SMOC2: variants seen among roughly 807,000 people sequenced by gnomAD.
SMOC2 encodes SPARC-related modular calcium-binding protein 2.
A neutral mutation model predicts 61.4 loss-of-function variants in SMOC2; 39 were observed. That is an observed-to-expected ratio of 0.64 (90% CI 0.49 to 0.83). SMOC2 has a LOEUF of 0.83. SMOC2 is among the 40% of genes least tolerant of loss of function. The probability of loss-of-function intolerance (pLI) is 0.00; values close to 1 mark genes in which losing one functional copy is unlikely to be tolerated. For synonymous variants in SMOC2, 247 were observed against 239.9 expected (o/e 1.03, Z -0.27); for missense variants, 556 against 592.9 (o/e 0.94, Z 0.65).
rs1562371588 is a variant in SMOC2, at chr6:168,598,822, A to G, written c.642A>G (p.Ser214=). ...RQNKTNKNSV[S]SCDQEHQSAL... ...TTGCCTTCTTCTTCCCCGCAGTGTC[A>G]TCCTGTGACCAAGAGCACCAGTCTG... The change falls in exon 8 of 13, where the codon TCA becomes TCG. Residue 214 remains serine (S), a synonymous_variant. Coordinates refer to ENST00000356284, the MANE Select transcript of SMOC2 (RefSeq NM_001166412.2). 2 of 1,613,678 alleles carry G rather than the reference A, an allele frequency of 1.2e-6. No individual in the cohort carries two copies. The highest frequency in any genetic ancestry group is 1.7e-6 in the Non-Finnish European group (2 of 1,179,742).
intron 9 of SMOC2, 90 bp downstream of exon 9, chr6:168,608,329 C>CT (rs1489234348): frequency 7.1e-7 from 1 of 1,402,334 alleles, no homozygotes; most frequent in East Asian, 2.5e-5. Context: ...TTATCTGACT[C>CT]TGTTTCCCAG....
At chr6:168,612,759 A>C (rs1785913569) in intron 9 of SMOC2, among the ~76,000 whole-genome samples, 1 of 152,006 alleles carries the variant, frequency 6.6e-6, no homozygotes, top group African/African-American at 2.4e-5. Context: ...GCAATGCAAG[A>C]GGCCATCGGC....
chr6:168,555,126 G>A (rs976874421), intron 7 of SMOC2, among the ~76,000 whole-genome samples: 1 of 152,210 alleles, frequency 6.6e-6, no homozygotes, highest in African/African-American at 2.4e-5. Context: ...GCCAGCTCCC[G>A]GCTCCTCTCG....
At chr6:168,516,483 C>T (rs150897725) in intron 2 of SMOC2, among the ~76,000 whole-genome samples, 61 of 152,018 alleles carry the variant, frequency 4.0e-4, no homozygotes, top group African/African-American at 1.4e-3. Context: ...GGACCAAGAG[C>T]TTCTGAACGG....
chr6:168,650,926 C>T (rs1188210313), intron 10 of SMOC2, 143 bp downstream of exon 10: 1 of 713,596 alleles, frequency 1.4e-6, no homozygotes, highest in African/African-American at 1.8e-5. Context: ...TCTGCAAACA[C>T]AGGAAGTTGC....
intron 4 of SMOC2, among the ~76,000 whole-genome samples, chr6:168,534,018 G>A (rs1426915408): frequency 3.9e-5 from 6 of 152,284 alleles, no homozygotes; most frequent in Admixed American, 2.6e-4. Flanking sequence ...GGCTAAGGCA[G>A]GGGGATCACT....
chr6:168,509,991 C>T lies in SMOC2; in HGVS notation c.161C>T (p.Ala54Val), dbSNP rs750915958. 5.6e-6 allele frequency: 9 copies of T among 1,614,190 alleles called. No individual in the cohort carries two copies. Among genetic ancestry groups the T allele is most frequent in the Middle Eastern group, 1.6e-4 (1 of 6,062 alleles). Reference protein sequence around the residue: ...CAGSPQKPLCASDGRTFLSRC... With the variant: ...CAGSPQKPLCVSDGRTFLSRC... ...GGTTCGCCCCAGAAACCTCTCTGCG[C>T]ATCTGACGGAAGGACCTTCCTTTCC... The change falls in exon 2 of 13, where the codon GCA becomes GTA. Residue 54 changes from alanine (A) to valine (V), a missense_variant. Physicochemically the swap from Ala to Val is moderately conservative, Grantham distance 64. Coordinates refer to ENST00000356284, the MANE Select transcript of SMOC2 (RefSeq NM_001166412.2).
Position 168,453,518 on chromosome 6 carries a change from G to A in SMOC2, c.84+12064G>A, listed in dbSNP as rs1166843661. 6.6e-6 allele frequency among the ~76,000 whole-genome samples: 1 copy of A among 151,520 alleles called. No homozygotes were observed. The highest frequency in any genetic ancestry group is 2.4e-5 in the African/African-American group (1 of 41,172). On this transcript the variant is annotated intron_variant, in intron 1 of 12. Coordinates refer to ENST00000356284, the MANE Select transcript of SMOC2 (RefSeq NM_001166412.2). The surrounding 1 kb of genome is among the most constrained non-coding windows in gnomAD (Gnocchi z 4.4). ...CTCTCGCTCTCTTTTTTGTCTCTCT[G>A]TCTCTCTCTGTCTCTTTGTCTCTCT...
intron 7 of SMOC2, among the ~76,000 whole-genome samples, chr6:168,565,852 G>A (rs1784529507): frequency 6.6e-6 from 1 of 152,114 alleles, no homozygotes; most frequent in Non-Finnish European, 1.5e-5. Context: ...TAAAGAAAAG[G>A]GATACTAGTG....
At chr6:168,465,003 C>T (rs1486313628) in intron 1 of SMOC2, among the ~76,000 whole-genome samples, 2 of 152,128 alleles carry the variant, frequency 1.3e-5, no homozygotes, top group Non-Finnish European at 2.9e-5. Flanking sequence ...CAGCCCTGCC[C>T]CAGAGAGTGA....
intron 7 of SMOC2, among the ~76,000 whole-genome samples, chr6:168,562,788 A>G (rs1784451074): frequency 6.6e-6 from 1 of 152,176 alleles, no homozygotes; most frequent in Admixed American, 6.5e-5. Flanking sequence ...CTGCCCCGGG[A>G]GAGCGTTGCC....
intron 1 of SMOC2, among the ~76,000 whole-genome samples, chr6:168,459,057 C>G (rs1355559150): frequency 6.6e-6 from 1 of 152,194 alleles, no homozygotes; most frequent in Non-Finnish European, 1.5e-5. Flanking sequence ...CAAATAAACT[C>G]TATTCCCCAC....
intron 7 of SMOC2, among the ~76,000 whole-genome samples, chr6:168,586,245 CCTTT>C (rs1281437042): frequency 1.3e-5 from 2 of 151,998 alleles, no homozygotes; most frequent in African/African-American, 2.4e-5. Context: ...AGAAGGCTTC[CCTTT>C]CTTATTGAAT....
chr6:168,569,839 G>A (rs1196154373), intron 7 of SMOC2, among the ~76,000 whole-genome samples: 1 of 152,154 alleles, frequency 6.6e-6, no homozygotes. Flanking sequence ...TTTGCAGAGC[G>A]GAAGTTTTCC....
Position 168,653,003 on chromosome 6 carries a change from T to A in SMOC2, c.1060T>A (p.Trp354Arg). Reference sequence around the variant, plus strand: ...TACCCTAGAGGAGCGGGTGGTGCACTGGTACTTCAAACTACTGGATAAAAA... The same window carrying A: ...TACCCTAGAGGAGCGGGTGGTGCACAGGTACTTCAAACTACTGGATAAAAA... ...SHTLEERVVH[W>R]YFKLLDKNSS... The change falls in exon 11 of 13, where the codon TGG becomes AGG. Residue 354 changes from tryptophan (W) to arginine (R), a missense_variant. Transcript: ENST00000356284. The A allele has an allele frequency of 6.2e-7, 1 of 1,614,026 alleles. No homozygotes were observed. The highest frequency in any genetic ancestry group is 8.5e-7 in the Non-Finnish European group (1 of 1,179,986).
chr6:168,493,564 A>T (rs1049476755), intron 1 of SMOC2, among the ~76,000 whole-genome samples: 2 of 152,232 alleles, frequency 1.3e-5, no homozygotes, highest in African/African-American at 4.8e-5. Context: ...TGATGTTCAA[A>T]GTACAAAGGC....
chr6:168,592,155 C>T (rs959515215), intron 7 of SMOC2, among the ~76,000 whole-genome samples: 19 of 152,230 alleles, frequency 1.2e-4, no homozygotes, highest in African/African-American at 4.3e-4. Flanking sequence ...CTTGGAGCAG[C>T]CTCTCCTTCC....
At position 168,540,968 on chromosome 6, in the gene SMOC2, A is replaced by T. The variant is rs563866928; in HGVS notation, c.464-2657A>T. On this transcript the variant is annotated intron_variant, in intron 4 of 12. Coordinates refer to ENST00000356284, the MANE Select transcript of SMOC2 (RefSeq NM_001166412.2). ...CGTCTGGAAGGAGCTTATGCAAACC[A>T]CTGCCTCCATCAGCATAACACCGTT... Among the ~76,000 whole-genome samples the T allele has an allele frequency of 4.6e-5, 7 of 152,136 alleles. No homozygotes were observed. In the South Asian group the frequency reaches 1.5e-3, roughly 32 times the overall value.
chr6:168,559,054 T>C (rs1784327481), intron 7 of SMOC2, among the ~76,000 whole-genome samples: 1 of 152,258 alleles, frequency 6.6e-6, no homozygotes, highest in African/African-American at 2.4e-5. Flanking sequence ...ACAGGATTAA[T>C]AGGACCAAGA....
Sources: gnomAD v4.1 joint callset for allele counts (sites outside exome capture counted in the v4.1 genomes callset) on GRCh38, gnomAD v4.1.1 for gene constraint, Gnocchi (gnomAD v3.1) non-coding constraint, MANE v1.5 for transcripts, NCBI Gene and HGNC (gene_info 2026-07-23, HGNC 2026-07-21) for gene names.